The following FSD1L variants were observed in gnomAD, a reference collection of about 807,000 sequenced individuals.
The protein encoded by FSD1L is fibronectin type III and SPRY domain containing 1 like, also known as FSD1-like protein.
In FSD1L, 45 loss-of-function variants were observed where a neutral mutation model predicts 71.6. The ratio of observed to expected loss-of-function variants is 0.63; its 90% CI spans 0.49 to 0.81. The LOEUF is 0.81. Among genes scored for constraint, FSD1L ranks in the 30% least tolerant of loss-of-function variants. FSD1L has a pLI of 0.00. For synonymous variants in FSD1L, 197 were observed against 207.2 expected (o/e 0.95, Z 0.42); for missense variants, 561 against 618.1 (o/e 0.91, Z 0.98).
chr9:105,459,180 A>G (rs921436923), intron 1 of FSD1L, among the ~76,000 whole-genome samples: 2 of 152,152 alleles, frequency 1.3e-5, no homozygotes, highest in Non-Finnish European at 2.9e-5. Flanking sequence ...TTTTAGCTTT[A>G]TGTCACATAT....
At chr9:105,517,354 AC>A (rs1239750191) in intron 10 of FSD1L, among the ~76,000 whole-genome samples, 3 of 152,128 alleles carry the variant, frequency 2.0e-5, no homozygotes, top group African/African-American at 7.2e-5. Context: ...AAGAAGAGCA[AC>A]CCCAAGAAAC....
At chr9:105,500,667 T>C (rs1453406742) in intron 7 of FSD1L, 1 of 152,236 alleles carries the variant, frequency 6.6e-6, no homozygotes, top group African/African-American at 2.4e-5. Context: ...GAGAACCTGG[T>C]AAGCTCCTGG....
At chr9:105,524,078 A>T in intron 10 of FSD1L, 1 of 1,611,300 alleles carries the variant, frequency 6.2e-7, no homozygotes, top group Non-Finnish European at 8.5e-7. Flanking sequence ...TTATAATCAA[A>T]ACTGTATTAA....
chr9:105,458,410 G>A (rs1209340888), intron 1 of FSD1L, among the ~76,000 whole-genome samples: 2 of 152,180 alleles, frequency 1.3e-5, no homozygotes, highest in Admixed American at 6.5e-5. Context: ...CTGAGTTCTT[G>A]TCCTGCGTCC....
chr9:105,496,564 C>A (rs1833420389), intron 7 of FSD1L, among the ~76,000 whole-genome samples: 1 of 152,112 alleles, frequency 6.6e-6, no homozygotes, highest in Non-Finnish European at 1.5e-5. Context: ...TCTTTGATTT[C>A]TTTCATTAGA....
intron 10 of FSD1L, chr9:105,522,420 G>T: frequency 1.2e-6 from 2 of 1,613,800 alleles, no homozygotes; most frequent in Non-Finnish European, 1.7e-6. Context: ...ATGGAGTCGT[G>T]ATCAGCCTGG....
intron 7 of FSD1L, among the ~76,000 whole-genome samples, chr9:105,495,156 G>A (rs1833274659): frequency 6.6e-6 from 1 of 152,208 alleles, no homozygotes; most frequent in Non-Finnish European, 1.5e-5. Flanking sequence ...GCTCCACCCA[G>A]TTTGAGCTTC....
intron 7 of FSD1L, among the ~76,000 whole-genome samples, chr9:105,494,049 C>T (rs1833159950): frequency 6.6e-6 from 1 of 152,114 alleles, no homozygotes. Context: ...TGTTGGCCTG[C>T]CTTGCTAGAT....
rs201070763 is a variant in FSD1L, at chr9:105,524,948, A to G, written c.1026-9545A>G. 1.8e-4 allele frequency: 291 copies of G among 1,613,720 alleles called. 4 individuals carry two copies. Among genetic ancestry groups the G allele is most frequent in the Middle Eastern group, 1.5e-3 (9 of 6,078 alleles). On this transcript the variant is annotated intron_variant, in intron 10 of 13. Transcript: ENST00000481272. ...TCCAGTTCTTTGTGTTAATAATACA[A>G]CCTTAGTGTCCTGTATCCAGATCAG... is the stretch of plus-strand genomic sequence containing the variant.
chr9:105,454,994 C>T (rs1215315575), intron 1 of FSD1L, among the ~76,000 whole-genome samples: 1 of 152,034 alleles, frequency 6.6e-6, no homozygotes, highest in African/African-American at 2.4e-5. Flanking sequence ...CTCTTTTTTT[C>T]ACCTTCTTGC....
At chr9:105,493,156 A>G (rs1833081306) in intron 7 of FSD1L, among the ~76,000 whole-genome samples, 1 of 152,132 alleles carries the variant, frequency 6.6e-6, no homozygotes, top group African/African-American at 2.4e-5. Context: ...TAGGTCACTC[A>G]GGACTTGCTT....
At chr9:105,519,323 A>T (rs761043146) in intron 10 of FSD1L, among the ~76,000 whole-genome samples, 11 of 152,190 alleles carry the variant, frequency 7.2e-5, no homozygotes, top group Non-Finnish European at 1.6e-4. Context: ...CATCATCCTG[A>T]TACCAAAACC....
intron 8 of FSD1L, 138 bp downstream of exon 8, chr9:105,506,746 A>AT (rs1834073905): frequency 1.7e-6 from 1 of 582,434 alleles, no homozygotes; most frequent in Non-Finnish European, 2.9e-6. Flanking sequence ...TATGGAAGTG[A>AT]TTTTCTCTTG....
At chr9:105,501,832 A>G (rs1219521405) in intron 7 of FSD1L, among the ~76,000 whole-genome samples, 5 of 152,118 alleles carry the variant, frequency 3.3e-5, no homozygotes, top group Admixed American at 3.3e-4. Flanking sequence ...AGGTTATTAA[A>G]TTATCAATAA....
chr9:105,483,345 C>T (rs185933977), intron 6 of FSD1L, among the ~76,000 whole-genome samples: 3 of 152,228 alleles, frequency 2.0e-5, no homozygotes, highest in Admixed American at 6.5e-5. Flanking sequence ...ATTTCATTGA[C>T]TTCTTGGGTA....
chr9:105,467,554 T>C (rs1232645924), intron 3 of FSD1L, among the ~76,000 whole-genome samples: 1 of 152,246 alleles, frequency 6.6e-6, no homozygotes, highest in Non-Finnish European at 1.5e-5. Context: ...GTAACTTATC[T>C]GTATTTTAGT....
At chr9:105,488,302 C>A (rs1271214927) in intron 7 of FSD1L, among the ~76,000 whole-genome samples, 1 of 152,158 alleles carries the variant, frequency 6.6e-6, no homozygotes, top group Non-Finnish European at 1.5e-5. Flanking sequence ...ACATTGCTTT[C>A]TTTTACTTAG....
At chr9:105,534,643 A>T (rs1298437149) in intron 11 of FSD1L, 50 bp downstream of exon 11, 2 of 1,062,824 alleles carry the variant, frequency 1.9e-6, no homozygotes, top group East Asian at 5.2e-5. Flanking sequence ...AAGGCATCAC[A>T]ATCACACTGG....
rs1837190806 is a variant in FSD1L, at chr9:105,549,692, A to G, written c.*3209A>G. 1 of 152,040 alleles carries G rather than the reference A, an allele frequency of 6.6e-6. No individual in the cohort carries two copies. The highest frequency in any genetic ancestry group is 1.5e-5 in the Non-Finnish European group (1 of 67,914). The allele number at this position is 152,040 out of a possible 1,614,324, so 9.4% of individuals were successfully genotyped here. A position where few individuals can be genotyped will look rare whatever the true frequency, so the allele number is the denominator to read the frequency against. On this transcript the variant is annotated 3_prime_UTR_variant, in exon 14 of 14. Transcript: ENST00000481272. ...TGAAATTAAAGCATGAATAATATGT[A>G]TAATTTGAATTTTTTGTGACTGATC...
Sources: gnomAD v4.1 joint callset for allele counts (sites outside exome capture counted in the v4.1 genomes callset) on GRCh38, gnomAD v4.1.1 for gene constraint, MANE v1.5 for transcripts, NCBI Gene and HGNC (gene_info 2026-07-23, HGNC 2026-07-21) for gene names.